CROCC2: variants seen among roughly 807,000 people sequenced by gnomAD.
CROCC2 encodes ciliary rootlet coiled-coil protein 2.
CROCC2 carries 163 observed loss-of-function variants against 177.6 expected under a neutral mutation model. That is an observed-to-expected ratio of 0.92 (90% CI 0.81 to 1.05). The LOEUF is 1.05. Among genes scored for constraint, CROCC2 ranks in the 50% least tolerant of loss-of-function variants. CROCC2 has a pLI of 0.00. For missense variants in CROCC2, 1,929 were observed against 1,797.8 expected, an observed-to-expected ratio of 1.07 and a Z score of -1.32; for synonymous variants, 904 against 787.3, an observed-to-expected ratio of 1.15 and a Z score of -2.48.
chr2:240,944,998 A>C (rs1400748822), intron 14 of CROCC2, among the ~76,000 whole-genome samples: 1 of 152,168 alleles, frequency 6.6e-6, no homozygotes, highest in Non-Finnish European at 1.5e-5. Flanking sequence ...GTGCAGTGGC[A>C]TGATCTTGGC....
intron 14 of CROCC2, among the ~76,000 whole-genome samples, chr2:240,939,427 A>G (rs1392718750): frequency 3.3e-5 from 5 of 152,062 alleles, no homozygotes; most frequent in African/African-American, 7.2e-5. Context: ...TTTTGCATCT[A>G]TATTTGTGAG....
chr2:240,974,713 A>T (rs1250477905), intron 27 of CROCC2, among the ~76,000 whole-genome samples: 1 of 152,008 alleles, frequency 6.6e-6, no homozygotes, highest in East Asian at 1.9e-4. Context: ...CTTGAAAGGA[A>T]TAAGTAATTT....
In CROCC2 at chr2:240,972,138, T is replaced by A. The variant is rs2059725309; in HGVS notation, c.4401+3876T>A. 6.6e-6 allele frequency among the ~76,000 whole-genome samples: 1 copy of A among 152,188 alleles called. No homozygotes were observed. The highest frequency in any genetic ancestry group is 2.1e-4 in the South Asian group (1 of 4,826). On this transcript the variant is annotated intron_variant, in intron 27 of 31. Coordinates refer to ENST00000690015, the MANE Select transcript of CROCC2 (RefSeq NM_001351305.2). This position sits in a 1 kb window ranked among gnomAD's most constrained non-coding sequence, Gnocchi z 7.1. ...AGTTTTGTGATTTTTTTCCTTTGCG[T>A]GTCTTTAAAGAAAGGAGTTCTGGCC...
Position 240,949,398 on chromosome 2 carries a change from C to T in CROCC2, c.2483-135C>T, listed in dbSNP as rs1162766934. On this transcript the variant is annotated intron_variant, in intron 16 of 31. Transcript: ENST00000690015. The surrounding 1 kb of genome is among the most constrained non-coding windows in gnomAD (Gnocchi z 4.5). The stretch of plus-strand genomic sequence containing the variant: ...CCTTGACCCTGCTCAGCCCACCCTG[C>T]CATGTGCTGGCCACCCACTCCCGGA... 2 of 1,159,918 alleles carry T rather than the reference C, an allele frequency of 1.7e-6. No individual in the cohort carries two copies. The highest frequency in any genetic ancestry group is 2.4e-6 in the Non-Finnish European group (2 of 823,338). 71.9% of individuals were successfully genotyped at this position (1,159,918 alleles called of 1,614,324 possible).
In CROCC2 at chr2:240,949,083, G is replaced by A. The variant is rs756747058; in HGVS notation, c.2468G>A (p.Arg823Gln). 125 of 1,543,640 alleles carry A rather than the reference G, an allele frequency of 8.1e-5. No individual in the cohort carries two copies. Among genetic ancestry groups the A allele is most frequent in the Admixed American group, 2.2e-4 (11 of 49,906 alleles). The part of the protein sequence containing the change: ...EEEARSAGLA[R>Q]QALQVEMEQL... The stretch of plus-strand genomic sequence containing the variant: ...GAAGCCCGGAGCGCAGGACTCGCGC[G>A]GCAGGCCTTGCAAGGTGCTCCAAGG... The change falls in exon 16 of 32, where the codon CGG (arginine) becomes CAG (glutamine). Residue 823 changes from arginine (R) to glutamine (Q), a missense_variant. By Grantham distance (43) the Arg-to-Gln change is conservative. Coordinates refer to ENST00000690015, the MANE Select transcript of CROCC2 (RefSeq NM_001351305.2). The surrounding 1 kb of genome is among the most constrained non-coding windows in gnomAD (Gnocchi z 4.5).
intron 1 of CROCC2, among the ~76,000 whole-genome samples, chr2:240,916,414 GC>G (rs1251245185): frequency 4.9e-5 from 2 of 40,506 alleles, no homozygotes; most frequent in African/African-American, 2.3e-4. Context: ...CTTCCCCGGT[GC>G]CCCCCGCCCA....
At chr2:240,911,319 C>G (rs2059287022) in intron 1 of CROCC2, among the ~76,000 whole-genome samples, 1 of 69,286 alleles carries the variant, frequency 1.4e-5, no homozygotes, top group Non-Finnish European at 3.0e-5. Flanking sequence ...TTTTTTTAGA[C>G]AGAGTTGGTC....
At chr2:240,971,821 C>T (rs1190898089) in intron 27 of CROCC2, among the ~76,000 whole-genome samples, 3 of 152,144 alleles carry the variant, frequency 2.0e-5, no homozygotes, top group Non-Finnish European at 2.9e-5. Flanking sequence ...TGAATTTCTC[C>T]TTGTCATCTC....
intron 25 of CROCC2, among the ~76,000 whole-genome samples, chr2:240,966,915 G>T (rs1452566813): frequency 2.0e-5 from 3 of 151,764 alleles, no homozygotes; most frequent in Non-Finnish European, 2.9e-5. Context: ...CCTGGCCAGG[G>T]TCCTCTGTGC....
At position 240,918,808 on chromosome 2, in the gene CROCC2, C is replaced by T. The variant is rs760667367; in HGVS notation, c.161C>T (p.Ser54Leu). Reference sequence around the variant, plus strand: ...GTGCGTGGGGAAGGCCGGCAGGCCTCGCCCACCCCCGTGCCCACCCGCATC... The same window carrying T: ...GTGCGTGGGGAAGGCCGGCAGGCCTTGCCCACCCCCGTGCCCACCCGCATC... ...LTVRGEGRQASPTPVPTRIRE... is the reference protein window; with the variant it reads ...LTVRGEGRQALPTPVPTRIRE... The change falls in exon 2 of 32, where the codon TCG becomes TTG. Residue 54 changes from serine (S) to leucine (L), a missense_variant. By Grantham distance (145) the Ser-to-Leu change is moderately radical. Coordinates refer to ENST00000690015, the MANE Select transcript of CROCC2 (RefSeq NM_001351305.2). This position sits in a 1 kb window ranked among gnomAD's most constrained non-coding sequence, Gnocchi z 6.3. 5.9e-5 allele frequency: 36 copies of T among 608,228 alleles called. No individual in the cohort carries two copies. The highest frequency in any genetic ancestry group is 9.2e-5 in the East Asian group (3 of 32,768). 37.7% of individuals were successfully genotyped at this position (608,228 alleles called of 1,614,324 possible).
chr2:240,937,409 T>C (rs2059477338), intron 14 of CROCC2, among the ~76,000 whole-genome samples: 1 of 152,246 alleles, frequency 6.6e-6, no homozygotes, highest in Non-Finnish European at 1.5e-5. Context: ...TTATATATCA[T>C]GGATACAAGT....
chr2:240,914,563 T>C (rs1294993187), intron 1 of CROCC2, among the ~76,000 whole-genome samples: 4 of 152,178 alleles, frequency 2.6e-5, no homozygotes, highest in African/African-American at 9.6e-5. Context: ...CTGTTGGAGC[T>C]CAGGGAAGGG....
rs1343683612 is a variant in CROCC2, at chr2:240,917,188, T to C, written c.79-1538T>C. Among the ~76,000 whole-genome samples, 2 of 151,838 alleles carry C rather than the reference T, an allele frequency of 1.3e-5. No individual in the cohort carries two copies. Among genetic ancestry groups the C allele is most frequent in the Middle Eastern group, 3.2e-3 (1 of 316 alleles). On this transcript the variant is annotated intron_variant, in intron 1 of 31. Coordinates refer to ENST00000690015, the MANE Select transcript of CROCC2 (RefSeq NM_001351305.2). This position sits in a 1 kb window ranked among gnomAD's most constrained non-coding sequence, Gnocchi z 4.9. ...GCTGGCCCCAGACCTCAGCTGATAGTGGGGAGGCGTTTGCTGAGTGGCTGC... is the reference window on the plus strand; with the variant it reads ...GCTGGCCCCAGACCTCAGCTGATAGCGGGGAGGCGTTTGCTGAGTGGCTGC...
chr2:240,969,614 G>C (rs2059707985), intron 27 of CROCC2, among the ~76,000 whole-genome samples: 1 of 152,220 alleles, frequency 6.6e-6, no homozygotes, highest in Non-Finnish European at 1.5e-5. Context: ...AGGGGACCTG[G>C]AGCGGGCTGA....
intron 20 of CROCC2, 185 bp downstream of exon 20, chr2:240,959,629 A>G (rs1407769508): frequency 2.9e-6 from 2 of 693,086 alleles, no homozygotes; most frequent in Non-Finnish European, 2.3e-6. Context: ...AGGGGCCCTC[A>G]CACCACGCAC....
intron 20 of CROCC2, among the ~76,000 whole-genome samples, chr2:240,961,636 C>T (rs749639654): frequency 7.0e-6 from 1 of 142,694 alleles, no homozygotes; most frequent in East Asian, 2.1e-4. Context: ...TGCACACGCT[C>T]ATCACACACG....
chr2:240,920,331 G>C (rs2059350555), intron 3 of CROCC2, among the ~76,000 whole-genome samples, 197 bp downstream of exon 3: 1 of 152,224 alleles, frequency 6.6e-6, no homozygotes, highest in South Asian at 2.1e-4. Context: ...GGATAACTGA[G>C]GCCAGAGGTG....
At chr2:240,975,434 A>G (rs1364968542) in intron 27 of CROCC2, among the ~76,000 whole-genome samples, 1 of 152,224 alleles carries the variant, frequency 6.6e-6, no homozygotes, top group Non-Finnish European at 1.5e-5. Context: ...CAGGGAGACC[A>G]GGGGATACCT....
At chr2:240,931,448 A>G (rs12467186) in intron 7 of CROCC2, among the ~76,000 whole-genome samples, 60,381 of 152,048 alleles carry the variant, frequency 0.4, 12,817 homozygotes, top group East Asian at 0.49. Context: ...ACATTCTTCT[A>G]GGGGCAAGAG....
Sources: gnomAD v4.1 joint callset for allele counts (sites outside exome capture counted in the v4.1 genomes callset) on GRCh38, gnomAD v4.1.1 for gene constraint, Gnocchi (gnomAD v3.1) non-coding constraint, MANE v1.5 for transcripts, NCBI Gene and HGNC (gene_info 2026-07-23, HGNC 2026-07-21) for gene names.